The following PCDHGB1 variants were observed in gnomAD, a reference collection of about 807,000 sequenced individuals.
PCDHGB1 encodes the protein protocadherin gamma subfamily B, 1.
Under a neutral mutation model 56.6 loss-of-function variants are expected in PCDHGB1, and 34 were observed. That is an observed-to-expected ratio of 0.60 (90% confidence interval 0.46 to 0.80). PCDHGB1 has a LOEUF of 0.80. PCDHGB1 is among the 30% of genes least tolerant of loss of function. The pLI, the probability that PCDHGB1 is intolerant of heterozygous loss-of-function variation, is 0.00. For synonymous variants in PCDHGB1, 561 were observed against 505.9 expected (o/e 1.11, Z -1.46); for missense variants, 1,278 against 1,204.6 (o/e 1.06, Z -0.90).
At chr5:141,466,716 T>A (rs2099127818) in intron 1 of PCDHGB1, among the ~76,000 whole-genome samples, 1 of 152,210 alleles carries the variant, frequency 6.6e-6, no homozygotes, top group South Asian at 2.1e-4. Flanking sequence ...TGTTCTTGTT[T>A]CCATTTTAGC....
At chr5:141,473,212 C>G (rs1311953997) in intron 1 of PCDHGB1, among the ~76,000 whole-genome samples, 1 of 152,012 alleles carries the variant, frequency 6.6e-6, no homozygotes, top group Non-Finnish European at 1.5e-5. Flanking sequence ...AAAATGCTTA[C>G]TTCCAGGGAG....
rs568123995 is a variant in PCDHGB1 at position 141,511,539 on chromosome 5, C to G, written c.*366C>G. The G allele has an allele frequency of 3.0e-5, 10 of 328,342 alleles. No individual in the cohort carries two copies. The highest frequency in any genetic ancestry group is 2.1e-4 in the African/African-American group (10 of 47,452). The allele number at this position is 328,342 out of a possible 1,614,324, so 20.3% of individuals were successfully genotyped here. ...CATCCCATGCCTCCCTCCTCCCCAC[C>G]CCACTCCAACAGTTCCTCTTTCCCG... On this transcript the variant is annotated 3_prime_UTR_variant, in exon 4 of 4. Transcript: ENST00000523390.
intron 1 of PCDHGB1, among the ~76,000 whole-genome samples, chr5:141,473,785 A>G (rs1240342191): frequency 6.6e-6 from 1 of 152,226 alleles, no homozygotes; most frequent in Non-Finnish European, 1.5e-5. Context: ...TTAATTCAAG[A>G]GCAGTATGAT....
intron 1 of PCDHGB1, among the ~76,000 whole-genome samples, chr5:141,454,703 A>C (rs933041937): frequency 1.3e-5 from 2 of 150,198 alleles, no homozygotes; most frequent in African/African-American, 4.9e-5. Flanking sequence ...ACCATGCTCC[A>C]CCTGCTTATT....
chr5:141,385,067 G>A (rs963028251), intron 1 of PCDHGB1: 3 of 1,614,158 alleles, frequency 1.9e-6, no homozygotes, highest in Non-Finnish European at 2.5e-6. Flanking sequence ...CACAAGTCAC[G>A]CCTGCTGCAG....
chr5:141,355,967 C>T (rs745830761), intron 1 of PCDHGB1: 1 of 1,613,862 alleles, frequency 6.2e-7, no homozygotes, highest in South Asian at 1.1e-5. Flanking sequence ...GAGAACGTTC[C>T]TGTAGGCACT....
chr5:141,426,772 C>T, intron 1 of PCDHGB1: 1 of 456,686 alleles, frequency 2.2e-6, no homozygotes, highest in South Asian at 1.5e-5. Context: ...GATGTAGGGC[C>T]TCACTCTCTC....
At chr5:141,374,384 C>T (rs781113576) in intron 1 of PCDHGB1, 4 of 1,613,962 alleles carry the variant, frequency 2.5e-6, no homozygotes, top group East Asian at 2.2e-5. Flanking sequence ...TCAGAGCCCG[C>T]GGTGTCTGGT....
At position 141,490,409 on chromosome 5, in the gene PCDHGB1, C is replaced by G; in HGVS notation, c.2410-4398C>G. On this transcript the variant is annotated intron_variant, in intron 1 of 3. Transcript: ENST00000523390. The surrounding 1 kb of genome is among the most constrained non-coding windows in gnomAD (Gnocchi z 5.4). ...AATGGTGAAGTGAGCCTTGATATCT[C>G]TCCGGACCTGCCATTTCAGATTAAG... 1 of 1,614,202 alleles carries G rather than the reference C, an allele frequency of 6.2e-7. No homozygotes were observed. Among genetic ancestry groups the G allele is most frequent in the Non-Finnish European group, 8.5e-7 (1 of 1,180,038 alleles).
rs764457879 is a variant in PCDHGB1 at position 141,356,426 on chromosome 5, C to T, written c.2409+3757C>T. The T allele has an allele frequency of 7.5e-6, 12 of 1,607,618 alleles. No individual in the cohort carries two copies. The African/African-American group carries it at 1.6e-4, about 21-fold the overall frequency. On this transcript the variant is annotated intron_variant, in intron 1 of 3. Coordinates refer to ENST00000523390, the MANE Select transcript of PCDHGB1 (RefSeq NM_018922.3). ...TATTATCGGTTGTTGACACACAGAA[C>T]ACTGGACAGGGAAGAAGTCTCAGAA...
rs759439765 is a variant in PCDHGB1 at position 141,478,199 on chromosome 5, C to A, written c.2410-16608C>A. ...GAAAAAAAATCTCACCTTTTATCTA[C>A]TTCTTTCTCTAATCCTGGTTTCTGT... On this transcript the variant is annotated intron_variant, in intron 1 of 3. Coordinates refer to ENST00000523390, the MANE Select transcript of PCDHGB1 (RefSeq NM_018922.3). The A allele has an allele frequency of 3.8e-5, 62 of 1,613,938 alleles. No homozygotes were observed. Among genetic ancestry groups the A allele is most frequent in the Non-Finnish European group, 5.0e-5 (59 of 1,180,046 alleles).
chr5:141,356,202 G>C, intron 1 of PCDHGB1: 1 of 1,607,648 alleles, frequency 6.2e-7, no homozygotes, highest in Non-Finnish European at 8.5e-7. Flanking sequence ...GCAAGGTACT[G>C]GTGACAGTTC....
chr5:141,444,152 ATTTTTTTTTTTTTT>A (rs747671382), intron 1 of PCDHGB1, among the ~76,000 whole-genome samples: 241 of 33,882 alleles, frequency 7.1e-3, no homozygotes, highest in African/African-American at 0.019. Flanking sequence ...TGTGTACTGG[ATTTTTTTTTTTTTT>A]TTTTTTTTTT....
rs368153419 is a variant in PCDHGB1 at position 141,476,458 on chromosome 5, C to T, written c.2410-18349C>T. 1 of 1,614,044 alleles carries T rather than the reference C, an allele frequency of 6.2e-7. No homozygotes were observed. Among genetic ancestry groups the T allele is most frequent in the Non-Finnish European group, 8.5e-7 (1 of 1,180,014 alleles). On this transcript the variant is annotated intron_variant, in intron 1 of 3. Coordinates refer to ENST00000523390, the MANE Select transcript of PCDHGB1 (RefSeq NM_018922.3). The surrounding 1 kb of genome is among the most constrained non-coding windows in gnomAD (Gnocchi z 7.6). ...TAACTCTGGAGTTGGTAGTGGAGAA[C>T]CCGCTGGAGCTGTTCAGCGTGGAAG...
chr5:141,415,811 A>G (rs2095960996), intron 1 of PCDHGB1: 5 of 1,340,748 alleles, frequency 3.7e-6, no homozygotes, highest in South Asian at 1.7e-5. Flanking sequence ...ATCAAGGCCT[A>G]TATATCATAA....
chr5:141,352,345 C>T lies in PCDHGB1; in HGVS notation c.2085C>T (p.Ile695=). Residue 695 remains isoleucine (I), a synonymous_variant, in exon 1 of 4, where the codon ATC becomes ATT. Coordinates refer to ENST00000523390, the MANE Select transcript of PCDHGB1 (RefSeq NM_018922.3). ...QFYLVVALAL[I]SVLFLLAVIL... ...ACCTGGTTGTGGCCTTGGCCTTGAT[C>T]TCAGTGCTCTTTCTCCTCGCGGTGA... is the stretch of plus-strand genomic sequence containing the variant. 1 of 1,614,090 alleles carries T rather than the reference C, an allele frequency of 6.2e-7. No homozygotes were observed. Among genetic ancestry groups the T allele is most frequent in the Admixed American group, 1.7e-5 (1 of 60,038 alleles).
At chr5:141,385,430 A>G (rs1781192913) in intron 1 of PCDHGB1, 1 of 1,458,668 alleles carries the variant, frequency 6.9e-7, no homozygotes. Context: ...AAAACTTTAT[A>G]GAGGTAAAAA....
At chr5:141,449,101 G>T (rs1020443363) in intron 1 of PCDHGB1, among the ~76,000 whole-genome samples, 3 of 152,144 alleles carry the variant, frequency 2.0e-5, no homozygotes, top group Non-Finnish European at 4.4e-5. Flanking sequence ...TACATATGCA[G>T]TATATCTTTG....
At chr5:141,405,505 C>T (rs573282216) in intron 1 of PCDHGB1, 22 of 751,126 alleles carry the variant, frequency 2.9e-5, no homozygotes, top group Admixed American at 1.7e-4. Flanking sequence ...TTGCAACCTC[C>T]GCCTCCCAAA....
Sources: gnomAD v4.1 joint callset for allele counts (sites outside exome capture counted in the v4.1 genomes callset) on GRCh38, gnomAD v4.1.1 for gene constraint, Gnocchi (gnomAD v3.1) non-coding constraint, MANE v1.5 for transcripts, NCBI Gene and HGNC (gene_info 2026-07-23, HGNC 2026-07-21) for gene names.